Variants in CCDC7 observed in about 807,000 individuals in gnomAD.
CCDC7 encodes coiled-coil domain-containing protein 7.
A neutral mutation model predicts 196.9 loss-of-function variants in CCDC7; 183 were observed. That is an observed-to-expected ratio of 0.93 (90% CI 0.82 to 1.05). CCDC7 has a LOEUF of 1.05. Ranked by LOEUF, CCDC7 falls within the 50% of genes least tolerant of loss-of-function variation. The pLI is 0.00. For missense variants in CCDC7, 1,540 were observed against 1,482.2 expected (o/e 1.04, Z -0.64); for synonymous variants, 525 against 484.6 (o/e 1.08, Z -1.10).
chr10:32,660,652 G>T (rs1335110587), intron 20 of CCDC7, among the ~76,000 whole-genome samples: 2 of 151,784 alleles, frequency 1.3e-5, no homozygotes, highest in Non-Finnish European at 1.5e-5. Context: ...GTAATGGGAT[G>T]GCTGGGTCAA....
At chr10:32,801,994 C>T (rs1341130694) in intron 29 of CCDC7, among the ~76,000 whole-genome samples, 1 of 152,180 alleles carries the variant, frequency 6.6e-6, no homozygotes, top group African/African-American at 2.4e-5. Flanking sequence ...AATGTCCTCA[C>T]TTTAATAGTG....
chr10:32,507,403 A>G (rs939633057), intron 9 of CCDC7, among the ~76,000 whole-genome samples: 2 of 152,114 alleles, frequency 1.3e-5, no homozygotes, highest in Non-Finnish European at 2.9e-5. Context: ...TAATCAATTT[A>G]CACTTAAATA....
intron 20 of CCDC7, among the ~76,000 whole-genome samples, chr10:32,655,609 C>T (rs1045120793): frequency 1.3e-5 from 2 of 152,148 alleles, no homozygotes; most frequent in Non-Finnish European, 2.9e-5. Flanking sequence ...TCACTGCAAC[C>T]TCCACATTCT....
chr10:32,781,200 C>T (rs889702058), intron 29 of CCDC7, among the ~76,000 whole-genome samples: 6 of 152,030 alleles, frequency 3.9e-5, no homozygotes, highest in South Asian at 2.1e-4. Context: ...CAGGACCAGA[C>T]GACTTTATGG....
chr10:32,516,079 C>T (rs980267164), intron 9 of CCDC7, among the ~76,000 whole-genome samples: 1 of 151,518 alleles, frequency 6.6e-6, no homozygotes, highest in Non-Finnish European at 1.5e-5. Flanking sequence ...TGAAAAAAAA[C>T]CACTCATAGA....
At chr10:32,755,792 G>A (rs905577286) in intron 28 of CCDC7, among the ~76,000 whole-genome samples, 1 of 152,006 alleles carries the variant, frequency 6.6e-6, no homozygotes, top group African/African-American at 2.4e-5. Context: ...CAGACGATCA[G>A]TAATAACAAA....
At chr10:32,555,915 T>C (rs2054268596) in intron 13 of CCDC7, among the ~76,000 whole-genome samples, 1 of 152,216 alleles carries the variant, frequency 6.6e-6, no homozygotes, top group African/African-American at 2.4e-5. Context: ...GTGGGACTTC[T>C]TTCTAGTCTC....
intron 11 of CCDC7, among the ~76,000 whole-genome samples, chr10:32,528,931 T>A (rs998026389): frequency 6.6e-5 from 10 of 151,988 alleles, no homozygotes; most frequent in African/African-American, 2.4e-4. Flanking sequence ...AATGACTTCT[T>A]TTCCTCTGGG....
upstream of CCDC7, among the ~76,000 whole-genome samples, chr10:32,444,850 G>GTTTT (rs59116319): frequency 7.1e-6 from 1 of 140,272 alleles, no homozygotes; most frequent in African/African-American, 2.6e-5. Context: ...ATGCCTTCAT[G>GTTTT]TTTTTTTTTT....
chr10:32,718,722 A>G (rs1490928423), intron 25 of CCDC7, among the ~76,000 whole-genome samples: 1 of 152,142 alleles, frequency 6.6e-6, no homozygotes, highest in Non-Finnish European at 1.5e-5. Context: ...ATTCCTATAC[A>G]CCAATAATAG....
chr10:32,489,844 C>T (rs2041875757), intron 8 of CCDC7, among the ~76,000 whole-genome samples: 1 of 152,026 alleles, frequency 6.6e-6, no homozygotes, highest in African/African-American at 2.4e-5. Context: ...AGCCTGGGTA[C>T]ATATGGAAAG....
intron 29 of CCDC7, among the ~76,000 whole-genome samples, chr10:32,784,293 T>C (rs995141569): frequency 2.5e-5 from 3 of 122,408 alleles, no homozygotes; most frequent in Non-Finnish European, 3.5e-5. Flanking sequence ...ATGTGTGTTA[T>C]GGTGGTTTGC....
At chr10:32,707,389 C>A (rs1473560581) in intron 24 of CCDC7, among the ~76,000 whole-genome samples, 2 of 152,154 alleles carry the variant, frequency 1.3e-5, no homozygotes, top group African/African-American at 4.8e-5. Context: ...AAACTGGAAG[C>A]ATTCCCTTTG....
chr10:32,657,221 G>A (rs2070141485), intron 20 of CCDC7, among the ~76,000 whole-genome samples: 1 of 152,188 alleles, frequency 6.6e-6, no homozygotes, highest in Non-Finnish European at 1.5e-5. Context: ...TCTGGGGTCT[G>A]GAGGACAGTG....
chr10:32,789,675 C>T (rs575956486), intron 29 of CCDC7, among the ~76,000 whole-genome samples: 1 of 152,088 alleles, frequency 6.6e-6, no homozygotes, highest in East Asian at 1.9e-4. Flanking sequence ...GAGGTGGAGC[C>T]TTAATGTGTG....
chr10:32,540,557 C>T (rs754582252), intron 11 of CCDC7, among the ~76,000 whole-genome samples: 4 of 152,040 alleles, frequency 2.6e-5, no homozygotes, highest in Non-Finnish European at 5.9e-5. Context: ...GGTTTGATCT[C>T]GCTATCATGT....
intron 11 of CCDC7, among the ~76,000 whole-genome samples, chr10:32,528,123 G>A (rs1455207291): frequency 6.6e-6 from 1 of 152,072 alleles, no homozygotes; most frequent in Non-Finnish European, 1.5e-5. Context: ...TGGGGTATTT[G>A]TCTTTCTATG....
At chr10:32,675,548 A>G (rs2074800252) in intron 21 of CCDC7, 1 of 149,882 alleles carries the variant, frequency 6.7e-6, no homozygotes. Context: ...TGATTCATGT[A>G]CCACTATTAC....
At chr10:32,773,024 G>T (rs2079415538) in intron 28 of CCDC7, among the ~76,000 whole-genome samples, 1 of 152,108 alleles carries the variant, frequency 6.6e-6, no homozygotes, top group Non-Finnish European at 1.5e-5. Context: ...GATCTCCAGG[G>T]TTTCTGCTGA....
Sources: allele counts gnomAD v4.1 joint callset (sites outside exome capture counted in the v4.1 genomes callset), GRCh38; gene constraint gnomAD v4.1.1; transcripts MANE v1.5; gene names NCBI Gene and HGNC (gene_info 2026-07-23, HGNC 2026-07-21).